Variants in SAR1B observed in about 807,000 individuals in gnomAD.
SAR1B encodes the protein secretion associated Ras related GTPase 1B.
Under a neutral mutation model 26.8 loss-of-function variants are expected in SAR1B, and 23 were observed. The observed-to-expected ratio is 0.86, with a 90% CI of 0.62 to 1.22. SAR1B has a LOEUF of 1.22. Among genes scored for constraint, SAR1B ranks in the 50% most tolerant of loss-of-function variants. The pLI is 0.00. For synonymous variants in SAR1B, 65 were observed against 80.8 expected (o/e 0.80, Z 1.05); for missense variants, 196 against 232.8 (o/e 0.84, Z 1.03).
At chr5:134,623,047 A>G (rs1369916756) in intron 2 of SAR1B, among the ~76,000 whole-genome samples, 1 of 148,990 alleles carries the variant, frequency 6.7e-6, no homozygotes, top group Non-Finnish European at 1.5e-5. Context: ...TGCTTGAACC[A>G]GGAGGCGAAG....
intron 3 of SAR1B, 121 bp from the exon 4 acceptor site, chr5:134,612,877 C>T: frequency 2.2e-6 from 2 of 889,592 alleles, no homozygotes. Flanking sequence ...TAAATAGTAA[C>T]TTCTCTTAGA....
intron 4 of SAR1B, among the ~76,000 whole-genome samples, chr5:134,609,949 TAAA>T (rs368865443): frequency 7.4e-5 from 11 of 149,184 alleles, no homozygotes; most frequent in Non-Finnish European, 1.5e-4. Context: ...AAAATAAAAA[TAAA>T]AAAAAATACA....
At chr5:134,626,330 A>AAAAAAG (rs1765493669) in intron 1 of SAR1B, among the ~76,000 whole-genome samples, 1 of 130,878 alleles carries the variant, frequency 7.6e-6, no homozygotes, top group Admixed American at 7.9e-5. Flanking sequence ...AAAAAAAAAA[A>AAAAAAG]TGTGGTTTCT....
In SAR1B at chr5:134,604,801, C is replaced by A. The variant is rs1765102354; in HGVS notation, c.*2149G>T. On this transcript the variant is annotated 3_prime_UTR_variant, in exon 7 of 7. Coordinates refer to ENST00000402673, the MANE Select transcript of SAR1B (RefSeq NM_016103.4). ...CATTTACAACACAAATAATTAGCTT[C>A]TTCAGTATCATAATAGATACTCTAG... The A allele has an allele frequency of 6.6e-6, 1 of 152,018 alleles. No homozygotes were observed. The highest frequency in any genetic ancestry group is 2.1e-4 in the South Asian group (1 of 4,826). The allele number at this position is 152,018 out of a possible 1,614,324, so 9.4% of individuals were successfully genotyped here.
intron 5 of SAR1B, chr5:134,609,121 C>T: frequency 2.2e-6 from 1 of 456,946 alleles, no homozygotes; most frequent in South Asian, 1.5e-5. Context: ...GGCCCCTTTA[C>T]AAAATATCTG....
At chr5:134,628,088 G>A (rs112460192) in intron 1 of SAR1B, among the ~76,000 whole-genome samples, 242 of 151,302 alleles carry the variant, frequency 1.6e-3, no homozygotes, top group African/African-American at 5.5e-3. Flanking sequence ...GCAGTGAGCC[G>A]AGATCGTGCC....
At chr5:134,608,042 A>G (rs1388300284) in intron 6 of SAR1B, among the ~76,000 whole-genome samples, 1 of 152,216 alleles carries the variant, frequency 6.6e-6, no homozygotes, top group Non-Finnish European at 1.5e-5. Context: ...CTCAGGGCCT[A>G]AACACACTAC....
chr5:134,632,500 G>T (rs1477895649), intron 1 of SAR1B, among the ~76,000 whole-genome samples: 1 of 152,176 alleles, frequency 6.6e-6, no homozygotes. Context: ...AAGACCAAGC[G>T]TCTGACAGCA....
rs749383350 is a variant in SAR1B, at chr5:134,606,976, G to A, written c.571C>T (p.Arg191Cys). 64 of 1,613,334 alleles carry A rather than the reference G, an allele frequency of 4.0e-5. No homozygotes were observed. The highest frequency in any genetic ancestry group is 2.7e-5 in the African/African-American group (2 of 74,894). ...LKRQGYGEGF[R>C]WMAQYID ...TAATCAATGTACTGTGCCATCCAGCGGAAGCCTTCTCCGTAACCTTGTCTT... is the reference window on the plus strand; with the variant it reads ...TAATCAATGTACTGTGCCATCCAGCAGAAGCCTTCTCCGTAACCTTGTCTT... Residue 191 changes from arginine to cysteine, a missense_variant, in exon 7 of 7, where the codon CGC becomes TGC. Coordinates refer to ENST00000402673, the MANE Select transcript of SAR1B (RefSeq NM_016103.4).
At chr5:134,615,538 G>A (rs1310957292) in intron 3 of SAR1B, among the ~76,000 whole-genome samples, 4 of 151,630 alleles carry the variant, frequency 2.6e-5, no homozygotes, top group South Asian at 2.1e-4. Flanking sequence ...ATTCTGGGCC[G>A]GGGGCGGTGG....
intron 2 of SAR1B, among the ~76,000 whole-genome samples, chr5:134,622,883 A>G (rs1176225243): frequency 2.6e-5 from 4 of 151,172 alleles, no homozygotes; most frequent in Non-Finnish European, 5.9e-5. Flanking sequence ...GCACTTTGGG[A>G]GTCCAAGGCA....
intron 1 of SAR1B, among the ~76,000 whole-genome samples, chr5:134,629,975 G>C (rs1171127678): frequency 6.6e-6 from 1 of 151,924 alleles, no homozygotes. Flanking sequence ...GAGTGGCCAA[G>C]GTGAGGGCTG....
rs375752922 is a variant in SAR1B at position 134,623,426 on chromosome 5, C to T, written c.58+536G>A. 1.1e-4 allele frequency among the ~76,000 whole-genome samples: 17 copies of T among 148,702 alleles called. No individual in the cohort carries two copies. In the East Asian group the frequency reaches 2.7e-3, roughly 24 times the overall value. On this transcript the variant is annotated intron_variant, in intron 2 of 6. Coordinates refer to ENST00000402673, the MANE Select transcript of SAR1B (RefSeq NM_016103.4). ...CTGCACTCCAGCCTGGGCGACAGAG[C>T]GAGACTCCATCTCAGAAACAAACAA...
intron 3 of SAR1B, among the ~76,000 whole-genome samples, chr5:134,620,240 A>C (rs954881504): frequency 6.6e-6 from 1 of 151,692 alleles, no homozygotes; most frequent in Admixed American, 6.6e-5. Flanking sequence ...CGGGAGGTGG[A>C]GCTTACAGTG....
At chr5:134,614,226 G>A (rs775634459) in intron 3 of SAR1B, 4 of 152,286 alleles carry the variant, frequency 2.6e-5, no homozygotes, top group South Asian at 2.1e-4. Context: ...TTGATTCTGT[G>A]TTATATCTTC....
chr5:134,606,730 C>T lies in SAR1B; in HGVS notation c.*220G>A. The T allele has an allele frequency of 2.0e-6, 1 of 506,486 alleles. No homozygotes were observed. Among genetic ancestry groups the T allele is most frequent in the Non-Finnish European group, 3.6e-6 (1 of 277,858 alleles). 31.4% of individuals were successfully genotyped at this position (506,486 alleles called of 1,614,324 possible). ...ATGTCAGATTATAAACTGTAAAAAC[C>T]AAGTACTTTTATGGAATTAGAAAGC... On this transcript the variant is annotated 3_prime_UTR_variant, in exon 7 of 7. Transcript: ENST00000402673.
At chr5:134,619,464 A>G (rs1361463744) in intron 3 of SAR1B, among the ~76,000 whole-genome samples, 3 of 151,694 alleles carry the variant, frequency 2.0e-5, no homozygotes, top group Non-Finnish European at 4.4e-5. Flanking sequence ...GGGTCAAGTG[A>G]TCCTCCTGCC....
At chr5:134,628,725 G>A (rs934790201) in intron 1 of SAR1B, among the ~76,000 whole-genome samples, 1 of 151,940 alleles carries the variant, frequency 6.6e-6, no homozygotes, top group African/African-American at 2.4e-5. Flanking sequence ...CACAATCTTG[G>A]CTCACTGCAA....
At position 134,605,216 on chromosome 5, in the gene SAR1B, A is replaced by G. The variant is rs1007610026; in HGVS notation, c.*1734T>C. On this transcript the variant is annotated 3_prime_UTR_variant, in exon 7 of 7. Coordinates refer to ENST00000402673, the MANE Select transcript of SAR1B (RefSeq NM_016103.4). ...AAAAAGGACTGTAACTCTGACATGG[A>G]CAATGGCTACAGAAAACACTAATTT... 2.6e-5 allele frequency: 4 copies of G among 152,210 alleles called. No homozygotes were observed. The highest frequency in any genetic ancestry group is 9.7e-5 in the African/African-American group (4 of 41,442). 9.4% of individuals were successfully genotyped at this position (152,210 alleles called of 1,614,324 possible).
Sources: allele counts gnomAD v4.1 joint callset (sites outside exome capture counted in the v4.1 genomes callset), GRCh38; gene constraint gnomAD v4.1.1; transcripts MANE v1.5; gene names NCBI Gene and HGNC (gene_info 2026-07-23, HGNC 2026-07-21).